Variants in FGF13 observed in about 807,000 individuals in gnomAD.
FGF13 encodes fibroblast growth factor homologous factor 2.
Under a neutral mutation model 19.5 loss-of-function variants are expected in FGF13, and 2 were observed. The observed-to-expected ratio is 0.10, with a 90% CI of 0.04 to 0.32. The LOEUF is 0.32. Among genes scored for constraint, FGF13 ranks in the 10% least tolerant of loss-of-function variants. The pLI, the probability that FGF13 is intolerant of heterozygous loss-of-function variation, is 1.00. For missense variants in FGF13, 113 were observed against 192.7 expected (o/e 0.59, Z 2.45); for synonymous variants, 72 against 76.9 (o/e 0.94, Z 0.33).
intron 3 of FGF13, chrX:138,807,126 A>T (rs2090874572): frequency 9.0e-6 from 1 of 110,858 alleles, no homozygotes; most frequent in Admixed American, 9.6e-5. Context: ...TAACTATGTA[A>T]TCTGTTGAGG....
At chrX:139,165,532 T>C (rs929503036) in intron 1 of FGF13, among the ~76,000 whole-genome samples, 7 of 111,517 alleles carry the variant, frequency 6.3e-5, no homozygotes, top group Non-Finnish European at 1.1e-4. Flanking sequence ...GGATATTTTT[T>C]ACTCTGCCCC....
intron 1 of FGF13, among the ~76,000 whole-genome samples, chrX:139,125,381 G>C (rs1211623474): frequency 8.9e-6 from 1 of 112,122 alleles, no homozygotes; most frequent in Non-Finnish European, 1.9e-5. Context: ...GGATGTTGTA[G>C]TGTTCCACCT....
At chrX:138,885,166 G>A (rs1463625976) in intron 1 of FGF13, among the ~76,000 whole-genome samples, 2 of 111,557 alleles carry the variant, frequency 1.8e-5, no homozygotes, top group East Asian at 5.7e-4. Context: ...ATTATTTGGG[G>A]TAGAATGGGA....
intron 1 of FGF13, among the ~76,000 whole-genome samples, chrX:138,710,283 T>C (rs1364725755): frequency 3.8e-5 from 3 of 78,101 alleles, no homozygotes; most frequent in African/African-American, 1.5e-4. Context: ...ATTTCGAAGC[T>C]GCACCACAAG....
At chrX:138,700,348 T>C (rs2089934904) in intron 3 of FGF13, among the ~76,000 whole-genome samples, 1 of 111,727 alleles carries the variant, frequency 9.0e-6, no homozygotes, top group African/African-American at 3.3e-5. Flanking sequence ...CTTTGCAAAA[T>C]TGCATATAGC....
At chrX:138,635,004 A>T (rs1446539628) in intron 4 of FGF13, among the ~76,000 whole-genome samples, 3 of 112,224 alleles carry the variant, frequency 2.7e-5, no homozygotes, top group Admixed American at 9.4e-5. Flanking sequence ...AGTGCCCATC[A>T]ATCAACGAGT....
At chrX:138,739,658 GCTGGCTGC>G (rs2090306232), upstream of FGF13, among the ~76,000 whole-genome samples, 1 of 112,071 alleles carries the variant, frequency 8.9e-6, no homozygotes. Flanking sequence ...AGTTTTTGGA[GCTGGCTGC>G]CTTATTTGGT....
intron 1 of FGF13, among the ~76,000 whole-genome samples, chrX:139,017,354 C>T (rs112105417): frequency 0.11 from 4,916 of 46,414 alleles, 333 homozygotes; most frequent in African/African-American, 0.3. Flanking sequence ...TATATATATA[C>T]ACACACACAC....
At chrX:138,810,957 G>A (rs774313670) in intron 3 of FGF13, among the ~76,000 whole-genome samples, 1 of 111,949 alleles carries the variant, frequency 8.9e-6, no homozygotes, top group Non-Finnish European at 1.9e-5. Context: ...AGGTGCTGGA[G>A]AGGATGTGGA....
chrX:138,964,790 G>T (rs1248986746), intron 1 of FGF13, among the ~76,000 whole-genome samples: 3 of 110,895 alleles, frequency 2.7e-5, no homozygotes, highest in Non-Finnish European at 5.7e-5. Flanking sequence ...ACCAGCTCTT[G>T]CAGGTAGCTA....
At chrX:138,871,532 G>A (rs1370685046) in intron 1 of FGF13, among the ~76,000 whole-genome samples, 1 of 112,175 alleles carries the variant, frequency 8.9e-6, no homozygotes, top group Non-Finnish European at 1.9e-5. Context: ...ATCCACCTAA[G>A]TGAGAAATAA....
intron 1 of FGF13, among the ~76,000 whole-genome samples, chrX:138,971,761 A>G (rs1201262650): frequency 1.8e-5 from 2 of 111,423 alleles, no homozygotes; most frequent in South Asian, 7.5e-4. Context: ...TATACAATAC[A>G]TTATTGTTCA....
At chrX:138,809,015 T>C (rs1417682844) in intron 3 of FGF13, among the ~76,000 whole-genome samples, 3 of 111,722 alleles carry the variant, frequency 2.7e-5, no homozygotes, top group Non-Finnish European at 5.6e-5. Context: ...CTACCAGAGT[T>C]ACAAGGAGGA....
intron 1 of FGF13, among the ~76,000 whole-genome samples, chrX:139,082,126 C>G (rs12389814): frequency 0.041 from 4,536 of 111,431 alleles, 205 homozygotes; most frequent in African/African-American, 0.14. Context: ...ACACCGCACT[C>G]TAGCTGTGCT....
intron 3 of FGF13, among the ~76,000 whole-genome samples, chrX:138,667,495 G>A (rs1178104369): frequency 9.0e-6 from 1 of 110,987 alleles, no homozygotes; most frequent in African/African-American, 3.3e-5. Context: ...AGAAAGAAAA[G>A]CTCAATTAGA....
chrX:138,904,782 C>T (rs1210241118), intron 1 of FGF13, among the ~76,000 whole-genome samples: 2 of 111,283 alleles, frequency 1.8e-5, no homozygotes, highest in Admixed American at 9.6e-5. Flanking sequence ...AAGGGACATG[C>T]GCGCTCCAAG....
At position 138,963,213 on chromosome X, in the gene FGF13, C is replaced by T. The variant is rs185318984; in HGVS notation, c.-112-98563G>A. On this transcript the variant is annotated intron_variant, in intron 1 of 2. Transcript: ENST00000421460. ...CTAACTTCTTGAGCATCTGTTAGAA[C>T]GCCACTCCTGGCAAGACCCTCTGAC... Among the ~76,000 whole-genome samples, 3 of 113,036 alleles carry T rather than the reference C, an allele frequency of 2.7e-5. 1 individual carries two copies. Among genetic ancestry groups the T allele is most frequent in the South Asian group, 7.2e-4 (2 of 2,769 alleles).
intron 1 of FGF13, among the ~76,000 whole-genome samples, chrX:139,154,327 C>T (rs765301800): frequency 1.8e-5 from 2 of 111,515 alleles, no homozygotes; most frequent in African/African-American, 6.5e-5. Flanking sequence ...ACATTATGTG[C>T]TGATCACAAA....
chrX:138,964,877 C>G (rs1238239460), intron 1 of FGF13, among the ~76,000 whole-genome samples: 1 of 111,384 alleles, frequency 9.0e-6, no homozygotes, highest in Non-Finnish European at 1.9e-5. Context: ...TCCCATGGCC[C>G]AAACATGTCC....
Sources: gnomAD v4.1 joint callset for allele counts (sites outside exome capture counted in the v4.1 genomes callset) on GRCh38, gnomAD v4.1.1 for gene constraint, MANE v1.5 for transcripts, NCBI Gene and HGNC (gene_info 2026-07-23, HGNC 2026-07-21) for gene names.